The following SI variants were observed in gnomAD, a reference collection of about 807,000 sequenced individuals.
SI encodes the protein sucrase-isomaltase, also known as sucrase-isomaltase, intestinal.
Under a neutral mutation model 253.3 loss-of-function variants are expected in SI, and 235 were observed. The observed-to-expected ratio is 0.93, with a 90% CI of 0.83 to 1.03. The LOEUF is 1.03. Ranked by LOEUF, SI falls within the 50% of genes least tolerant of loss-of-function variation. SI has a pLI of 0.00. For missense variants in SI, 2,442 were observed against 2,211.1 expected, an observed-to-expected ratio of 1.10 and a Z score of -2.09; for synonymous variants, 819 against 712.0, an observed-to-expected ratio of 1.15 and a Z score of -2.39.
At chr3:165,068,359 C>T (rs556009531) in intron 5 of SI, among the ~76,000 whole-genome samples, 52 of 152,194 alleles carry the variant, frequency 3.4e-4, no homozygotes, top group African/African-American at 1.2e-3. Flanking sequence ...GAGAGAAGTG[C>T]AGTTTAATTA....
chr3:165,017,802 A>G lies in SI; in HGVS notation c.3592T>C (p.Leu1198=). The G allele has an allele frequency of 6.2e-7, 1 of 1,613,146 alleles. No homozygotes were observed. Among genetic ancestry groups the G allele is most frequent in the Non-Finnish European group, 8.5e-7 (1 of 1,179,360 alleles). Reference sequence around the variant, plus strand: ...GTTGCAACTTCTGGAGTTGGGCCCAAAAACATATAAAAATCCAAGATCCCT... The same window carrying G: ...GTTGCAACTTCTGGAGTTGGGCCCAGAAACATATAAAAATCCAAGATCCCT... The part of the protein sequence containing the change: ...VGGILDFYMF[L]GPTPEVATKQ... The change falls in exon 30 of 48, where the codon TTG becomes CTG. Residue 1198 remains leucine (L), a synonymous_variant. Transcript: ENST00000264382.
intron 26 of SI, 100 bp from the exon 27 acceptor site, chr3:165,021,483 A>C: frequency 1.1e-6 from 1 of 936,178 alleles, no homozygotes; most frequent in Non-Finnish European, 1.7e-6. Context: ...GAATATTTAG[A>C]ATTTTTCTCC....
At chr3:165,035,728 C>T (rs756040249) in intron 22 of SI, among the ~76,000 whole-genome samples, 13 of 151,156 alleles carry the variant, frequency 8.6e-5, no homozygotes, top group Admixed American at 4.0e-4. Flanking sequence ...ACCTAACAGC[C>T]CTCTATTAGA....
chr3:165,037,985 A>G lies in SI; in HGVS notation c.2341T>C (p.Tyr781His), dbSNP rs1712618077. The G allele has an allele frequency of 8.1e-6, 13 of 1,609,310 alleles. No individual in the cohort carries two copies. The highest frequency in any genetic ancestry group is 1.1e-5 in the Non-Finnish European group (13 of 1,176,208). ...RPWRKQRVDM[Y>H]LPADKIGLHL... ...AATCCTATTTTGTCTGCTGGAAGAT[A>G]CATATCAACCCGTTGTTTCCTCCAT... The change falls in exon 21 of 48, where the codon TAT becomes CAT. Residue 781 changes from tyrosine to histidine, a missense_variant. Tyr to His is a moderately conservative substitution (Grantham distance 83, BLOSUM62 2). Coordinates refer to ENST00000264382, the MANE Select transcript of SI (RefSeq NM_001041.4).
intron 33 of SI, 21 bp downstream of exon 33, chr3:165,015,102 T>A: frequency 6.5e-7 from 1 of 1,542,624 alleles, no homozygotes; most frequent in Non-Finnish European, 9.0e-7. Context: ...TTTATTCTAT[T>A]TCAAGATATC....
chr3:165,058,834 T>C, intron 12 of SI, 129 bp downstream of exon 12: 1 of 665,618 alleles, frequency 1.5e-6, no homozygotes, highest in Non-Finnish European at 2.5e-6. Context: ...AATTAAAATA[T>C]AAAATTCAGA....
chr3:165,051,821 A>G (rs1472574574), intron 13 of SI, among the ~76,000 whole-genome samples: 5 of 151,322 alleles, frequency 3.3e-5, no homozygotes, highest in Non-Finnish European at 7.4e-5. Context: ...TATGTAATTT[A>G]AGGATGAAAA....
At chr3:165,020,915 T>G (rs1047312104) in intron 27 of SI, among the ~76,000 whole-genome samples, 5 of 151,652 alleles carry the variant, frequency 3.3e-5, no homozygotes, top group African/African-American at 1.2e-4. Flanking sequence ...CAAATACTTA[T>G]TTTTGCCAAC....
intron 34 of SI, 36 bp from the exon 35 acceptor site, chr3:165,009,431 T>C (rs887468490): frequency 9.0e-7 from 1 of 1,116,928 alleles, no homozygotes; most frequent in African/African-American, 1.5e-5. Flanking sequence ...ATGTGGAAAG[T>C]CTTAAGAGAG....
chr3:164,985,507 T>G (rs1717393128), intron 45 of SI, among the ~76,000 whole-genome samples: 2 of 152,178 alleles, frequency 1.3e-5, no homozygotes, highest in Non-Finnish European at 2.9e-5. Context: ...AGCATATAAT[T>G]CTTATATCAA....
intron 35 of SI, among the ~76,000 whole-genome samples, chr3:165,008,353 TA>T (rs2108157831): frequency 2.0e-5 from 3 of 152,100 alleles, no homozygotes; most frequent in African/African-American, 7.2e-5. Flanking sequence ...CTTTTATTGC[TA>T]AAACTACAAG....
chr3:165,050,119 TATA>T (rs1332619354), intron 13 of SI, among the ~76,000 whole-genome samples: 2 of 152,158 alleles, frequency 1.3e-5, no homozygotes, highest in Admixed American at 1.3e-4. Flanking sequence ...TTTGATTATA[TATA>T]ATTACATTAA....
At chr3:165,027,888 G>A (rs753484564) in intron 25 of SI, among the ~76,000 whole-genome samples, 1 of 151,504 alleles carries the variant, frequency 6.6e-6, no homozygotes, top group South Asian at 2.1e-4. Context: ...ACAAGACAAA[G>A]ATGGCCATTC....
At chr3:165,087,305 T>G in the SI span, among the ~76,000 whole-genome samples, 1 of 151,958 alleles carries the variant, frequency 6.6e-6, no homozygotes, top group East Asian at 1.9e-4. Flanking sequence ...GAGGCCAAAC[T>G]AGAACAGAGA....
upstream of SI, among the ~76,000 whole-genome samples, chr3:165,081,077 G>A (rs1167689096): frequency 3.3e-5 from 5 of 151,548 alleles, no homozygotes; most frequent in South Asian, 4.1e-4. Context: ...TCAATCAATC[G>A]AATAAGGTGT....
At position 165,059,916 on chromosome 3, in the gene SI, C is replaced by T; in HGVS notation, c.1132G>A (p.Ala378Thr). Residue 378 changes from alanine (A) to threonine (T), a missense_variant, in exon 10 of 48, where the codon GCT (alanine) becomes ACT (threonine). By Grantham distance (58) the Ala-to-Thr change is moderately conservative. Transcript: ENST00000264382. The part of the protein sequence containing the change: ...VKEVVRRNRE[A>T]GIPFDTQVTD... ...ATTCTACTTACAAATGGTATGCCAG[C>T]TTCCCGGTTTCTCCTTACCACTTCT... 6.2e-7 allele frequency: 1 copy of T among 1,611,738 alleles called. No homozygotes were observed. The highest frequency in any genetic ancestry group is 1.1e-5 in the South Asian group (1 of 91,054).
intron 15 of SI, among the ~76,000 whole-genome samples, chr3:165,047,885 A>G (rs1388501014): frequency 1.3e-5 from 2 of 151,884 alleles, no homozygotes; most frequent in Non-Finnish European, 2.9e-5. Flanking sequence ...GTCCACAACT[A>G]CAAGCATCAC....
intron 47 of SI, among the ~76,000 whole-genome samples, chr3:164,980,810 A>G (rs1474200688): frequency 2.0e-5 from 3 of 151,968 alleles, no homozygotes; most frequent in African/African-American, 7.2e-5. Context: ...CTTATTTGGC[A>G]TTGTTTATTT....
chr3:165,019,044 A>T (rs947430139), intron 28 of SI, among the ~76,000 whole-genome samples: 1 of 151,910 alleles, frequency 6.6e-6, no homozygotes, highest in Non-Finnish European at 1.5e-5. Flanking sequence ...AATATTATAG[A>T]TAATATTATT....
Sources: gnomAD v4.1 joint callset for allele counts (sites outside exome capture counted in the v4.1 genomes callset) on GRCh38, gnomAD v4.1.1 for gene constraint, MANE v1.5 for transcripts, NCBI Gene and HGNC (gene_info 2026-07-23, HGNC 2026-07-21) for gene names.